GARS1: variants seen among roughly 807,000 people sequenced by gnomAD.
GARS1 encodes glycine--tRNA ligase.
GARS1 carries 46 observed loss-of-function variants against 86.4 expected under a neutral mutation model. That is an observed-to-expected ratio of 0.53 (90% confidence interval 0.42 to 0.68). GARS1 has a LOEUF of 0.68. Ranked by LOEUF, GARS1 falls within the 30% of genes least tolerant of loss-of-function variation. The pLI, the probability that GARS1 is intolerant of heterozygous loss-of-function variation, is 0.00. For synonymous variants in GARS1, 342 were observed against 329.8 expected (o/e 1.04, Z -0.40); for missense variants, 797 against 915.6 (o/e 0.87, Z 1.67).
At chr7:30,613,571 G>A (rs755183442) in intron 8 of GARS1, among the ~76,000 whole-genome samples, 11 of 152,238 alleles carry the variant, frequency 7.2e-5, no homozygotes, top group Non-Finnish European at 1.0e-4. Flanking sequence ...GTAAGGCAGT[G>A]TCTGGGGCCT....
rs70983380 is a variant in GARS1, at chr7:30,633,896, TAAA to T, written c.*49_*51del. On this transcript the variant is annotated 3_prime_UTR_variant, in exon 17 of 17. Transcript: ENST00000389266. ...GACAACTTTTGACCACTTGCGCTAA[TAAA>T]AAAAAAAAAAAACTACTCTTATGTC... The T allele has an allele frequency of 1.3e-3, 1,691 of 1,313,180 alleles. No individual in the cohort carries two copies. Among genetic ancestry groups the T allele is most frequent in the East Asian group, 3.7e-3 (133 of 35,592 alleles). 81.3% of individuals were successfully genotyped at this position (1,313,180 alleles called of 1,614,324 possible).
chr7:30,602,604 T>C (rs958927183), intron 4 of GARS1, among the ~76,000 whole-genome samples: 5 of 152,202 alleles, frequency 3.3e-5, no homozygotes, highest in Admixed American at 2.6e-4. Flanking sequence ...CAGTACAGGT[T>C]TCAGTGGCAG....
rs1554340666 is a variant in GARS1 at position 30,631,467 on chromosome 7, T to C, written c.1829T>C (p.Val610Ala). 2 of 1,613,372 alleles carry C rather than the reference T, an allele frequency of 1.2e-6. No individual in the cohort carries two copies. Among genetic ancestry groups the C allele is most frequent in the Non-Finnish European group, 1.7e-6 (2 of 1,179,494 alleles). ...ATCCAGTTCTTCAGTTTCCCTGCTG[T>C]AGTTGCTCCATTCAAATGTTCCGTC... Reference protein sequence around the residue: ...EQRTFFSFPAVVAPFKCSVLP... With the variant: ...EQRTFFSFPAAVAPFKCSVLP... Residue 610 changes from valine (V) to alanine (A), a missense_variant, in exon 15 of 17, where the codon GTA becomes GCA. Physicochemically the swap from Val to Ala is moderately conservative, Grantham distance 64. This residue lies in a region of GARS1 where 598 missense variants were observed against 738.7 expected (regional missense o/e 0.81). Coordinates refer to ENST00000389266, the MANE Select transcript of GARS1 (RefSeq NM_002047.4).
Position 30,601,173 on chromosome 7 carries a change from C to G in GARS1, c.542C>G (p.Thr181Ser), listed in dbSNP as rs1425456318. The G allele has an allele frequency of 3.7e-6, 6 of 1,613,978 alleles. No individual in the cohort carries two copies. Among genetic ancestry groups the G allele is most frequent in the Non-Finnish European group, 5.1e-6 (6 of 1,179,994 alleles). Residue 181 changes from threonine to serine, a missense_variant, in exon 4 of 17, where the codon ACC becomes AGC. This residue lies in a region of GARS1 where 598 missense variants were observed against 738.7 expected (regional missense o/e 0.81). Coordinates refer to ENST00000389266, the MANE Select transcript of GARS1 (RefSeq NM_002047.4). ...GAACAGATCCTGGAGATCGATTGCA[C>G]CATGCTCACCCCTGAGCCAGTTTTA... ...QEEQILEIDCTMLTPEPVLKT... is the reference protein window; with the variant it reads ...QEEQILEIDCSMLTPEPVLKT...
chr7:30,616,147 A>G, intron 9 of GARS1, 89 bp downstream of exon 9: 1 of 1,437,850 alleles, frequency 7.0e-7, no homozygotes, highest in Non-Finnish European at 9.8e-7. Context: ...GTGACAAGAT[A>G]TTTTATTTTG....
rs780902152 is a variant in GARS1 at position 30,609,631 on chromosome 7, A to G, written c.782A>G (p.Tyr261Cys). Residue 261 changes from tyrosine (Y) to cysteine (C), a missense_variant, in exon 7 of 17, where the codon TAT (tyrosine) becomes TGT (cysteine). Tyr to Cys is a radical substitution (Grantham distance 194). Around this residue, in one of 2 missense-constraint regions of GARS1, gnomAD observed 598 missense variants for 738.7 expected, o/e 0.81. Transcript: ENST00000389266. Reference protein sequence around the residue: ...QQELADLFVNYNVKSPITGND... With the variant: ...QQELADLFVNCNVKSPITGND... ...GAACTTGCGGATCTTTTTGTGAACT[A>G]TAATGTAAAATCTCCCATTACTGGA... is the stretch of plus-strand genomic sequence containing the variant. 9.3e-6 allele frequency: 15 copies of G among 1,612,852 alleles called. No homozygotes were observed. In the African/African-American group the frequency reaches 1.2e-4, roughly 13 times the overall value.
At chr7:30,603,344 A>G in intron 5 of GARS1, 152 bp from the exon 6 acceptor site, 1 of 736,966 alleles carries the variant, frequency 1.4e-6, no homozygotes, top group South Asian at 1.6e-5. Flanking sequence ...AATCAAGACA[A>G]TACCATGACT....
Position 30,628,511 on chromosome 7 carries a change from A to T in GARS1, c.1700-49A>T, listed in dbSNP as rs779665844. 18 of 1,307,616 alleles carry T rather than the reference A, an allele frequency of 1.4e-5. No individual in the cohort carries two copies. In the African/African-American group the frequency reaches 2.6e-4, roughly 19 times the overall value. 81.0% of individuals were successfully genotyped at this position (1,307,616 alleles called of 1,614,324 possible). On this transcript the variant is annotated intron_variant, in intron 13 of 16. Coordinates refer to ENST00000389266, the MANE Select transcript of GARS1 (RefSeq NM_002047.4). ...ATTGTTTAGAGAGAATCTGAAATGC[A>T]TTATGTGGTATTTGAGAGAATGTTA...
Position 30,628,549 on chromosome 7 carries a change from CT to C in GARS1, c.1700-10del. On this transcript the variant is annotated splice_polypyrimidine_tract_variant and intron_variant, in intron 13 of 16. Transcript: ENST00000389266. ...TGAGAGAATGTTATTGAATTTCTAT[CT>C]CTTTTTCAGTGGAAGAAGTTGTTCC... 1 of 1,567,202 alleles carries C rather than the reference CT, an allele frequency of 6.4e-7. No homozygotes were observed. Among genetic ancestry groups the C allele is most frequent in the Non-Finnish European group, 8.8e-7 (1 of 1,137,866 alleles).
intron 1 of GARS1, among the ~76,000 whole-genome samples, chr7:30,597,331 C>A (rs892143678): frequency 1.3e-5 from 2 of 152,180 alleles, no homozygotes; most frequent in East Asian, 1.9e-4. Flanking sequence ...ACAAAAAATT[C>A]ATTGCTATAG....
intron 5 of GARS1, 151 bp from the exon 6 acceptor site, chr7:30,603,345 T>C: frequency 2.7e-6 from 2 of 738,242 alleles, no homozygotes; most frequent in African/African-American, 1.7e-5. Context: ...ATCAAGACAA[T>C]ACCATGACTG....
Position 30,609,667 on chromosome 7 carries a change from C to T in GARS1, c.818C>T (p.Ser273Phe), listed in dbSNP as rs1554337983. Residue 273 changes from serine to phenylalanine, a missense_variant, in exon 7 of 17, where the codon TCC becomes TTC. Physicochemically the swap from Ser to Phe is radical, Grantham distance 155. Transcript: ENST00000389266. ...VKSPITGNDL[S>F]PPVSFNLMFK... is the part of the protein sequence containing the mutation. ...TCTCCCATTACTGGAAATGATCTAT[C>T]CCCTCCAGTGTCTTTTAACTTAATG... 1.2e-6 allele frequency: 2 copies of T among 1,613,246 alleles called. No individual in the cohort carries two copies. The highest frequency in any genetic ancestry group is 1.7e-6 in the Non-Finnish European group (2 of 1,179,288).
At chr7:30,594,866 G>C (rs910505084), upstream of GARS1, 14 of 1,431,356 alleles carry the variant, frequency 9.8e-6, no homozygotes, top group African/African-American at 2.0e-4. Context: ...TCCGAGCCGG[G>C]CGGCGCGCGC....
At chr7:30,628,404 C>G (rs879901757) in intron 13 of GARS1, 156 bp from the exon 14 acceptor site, 31 of 558,358 alleles carry the variant, frequency 5.6e-5, no homozygotes, top group Non-Finnish European at 1.0e-4. Context: ...AGGCTGGTCT[C>G]GAACTCCTGA....
chr7:30,597,864 T>G (rs1490955130), intron 1 of GARS1, among the ~76,000 whole-genome samples: 1 of 152,354 alleles, frequency 6.6e-6, no homozygotes, highest in South Asian at 2.1e-4. Context: ...CAACTTTAAT[T>G]ACTCAGCTGA....
At chr7:30,595,835 C>A (rs937393238) in intron 1 of GARS1, 2 of 471,122 alleles carry the variant, frequency 4.2e-6, no homozygotes, top group Non-Finnish European at 8.8e-6. Flanking sequence ...CCGTTTGGAA[C>A]CAGTGAGCCC....
intron 9 of GARS1, among the ~76,000 whole-genome samples, chr7:30,616,367 G>T (rs530988436): frequency 6.6e-6 from 1 of 152,196 alleles, no homozygotes; most frequent in Non-Finnish European, 1.5e-5. Flanking sequence ...CTTTGGGGGA[G>T]ACAGCATTGG....
chr7:30,599,037 C>G (rs1010963999), intron 2 of GARS1, 140 bp downstream of exon 2: 5 of 714,452 alleles, frequency 7.0e-6, no homozygotes, highest in Admixed American at 6.2e-5. Context: ...GCCGCCTTCT[C>G]CTTTCCCTCT....
At position 30,594,900 on chromosome 7, in the gene GARS1, G is replaced by T. The variant is rs750436094; in HGVS notation, c.-22G>T. The T allele has an allele frequency of 7.1e-6, 11 of 1,539,144 alleles. No individual in the cohort carries two copies. In the African/African-American group the frequency reaches 1.1e-4, roughly 15 times the overall value. On this transcript the variant is annotated 5_prime_UTR_variant, in exon 1 of 17. Transcript: ENST00000389266. ...GCCGCTTCCGTCGCCACCCTCTCTG[G>T]ACAGCCCAGGGCCGCAGGCTCATGC...
Sources: gnomAD v4.1 joint callset for allele counts (sites outside exome capture counted in the v4.1 genomes callset) on GRCh38, gnomAD v4.1.1 for gene constraint, gnomAD v4.1.1 regional missense constraint, MANE v1.5 for transcripts, NCBI Gene and HGNC (gene_info 2026-07-23, HGNC 2026-07-21) for gene names.